The following PIAS2 variants were observed in gnomAD, a reference collection of about 807,000 sequenced individuals.
PIAS2 encodes E3 SUMO-protein ligase PIAS2.
In PIAS2, 19 loss-of-function variants were observed where a neutral mutation model predicts 69.7. That is an observed-to-expected ratio of 0.27 (90% CI 0.19 to 0.40). PIAS2 has a LOEUF of 0.40. Ranked by LOEUF, PIAS2 falls within the 10% of genes least tolerant of loss-of-function variation. PIAS2 has a pLI of 1.00. For missense variants in PIAS2, 624 were observed against 757.0 expected, an observed-to-expected ratio of 0.82 and a Z score of 2.06; for synonymous variants, 261 against 263.2, an observed-to-expected ratio of 0.99 and a Z score of 0.08.
upstream of PIAS2, among the ~76,000 whole-genome samples, chr18:46,918,443 C>T (rs1377145397): frequency 6.6e-6 from 1 of 152,192 alleles, no homozygotes; most frequent in African/African-American, 2.4e-5. Flanking sequence ...CACTCCCCTG[C>T]CCCCGCACCC....
At chr18:46,851,702 C>T (rs2046995230) in intron 5 of PIAS2, among the ~76,000 whole-genome samples, 1 of 152,202 alleles carries the variant, frequency 6.6e-6, no homozygotes, top group Admixed American at 6.5e-5. Context: ...AGCACATATG[C>T]TGCTTGCATC....
chr18:46,883,276 T>C (rs1282606627), intron 2 of PIAS2, among the ~76,000 whole-genome samples: 1 of 152,130 alleles, frequency 6.6e-6, no homozygotes, highest in Non-Finnish European at 1.5e-5. Flanking sequence ...AAAAGAACAA[T>C]GAAGAAATTA....
Position 46,846,838 on chromosome 18 carries a change from A to T in PIAS2, c.730T>A (p.Tyr244Asn). The T allele has an allele frequency of 6.2e-7, 1 of 1,602,472 alleles. No individual in the cohort carries two copies. The highest frequency in any genetic ancestry group is 8.5e-7 in the Non-Finnish European group (1 of 1,174,980). The change falls in exon 6 of 14, where the codon TAT becomes AAT. Residue 244 changes from tyrosine (Y) to asparagine (N), a missense_variant. Physicochemically the swap from Tyr to Asn is moderately radical, Grantham distance 143. Around this residue, in one of 3 missense-constraint regions of PIAS2, gnomAD observed 339 missense variants for 408.8 expected, o/e 0.83. Coordinates refer to ENST00000585916, the MANE Select transcript of PIAS2 (RefSeq NM_004671.5). Reference sequence around the variant, plus strand: ...ATCCCATTTTTAGGCGGTGGTGCATAGCCCTATAACCGTAAGAAAGAAAAA... The same window carrying T: ...ATCCCATTTTTAGGCGGTGGTGCATTGCCCTATAACCGTAAGAAAGAAAAA... ...VNGKLFPLPG[Y>N]APPPKNGIEQ...
intron 1 of PIAS2, among the ~76,000 whole-genome samples, chr18:46,905,145 CAA>C (rs2056433178): frequency 6.6e-6 from 1 of 152,058 alleles, no homozygotes; most frequent in Admixed American, 6.5e-5. Context: ...AAACATATTT[CAA>C]AGAGTTGGCA....
At chr18:46,852,073 A>G (rs17781212) in intron 5 of PIAS2, among the ~76,000 whole-genome samples, 5,497 of 152,290 alleles carry the variant, frequency 0.036, 144 homozygotes, top group Middle Eastern at 0.085. Flanking sequence ...AGAGCTCACT[A>G]TAACTCCTAT....
At chr18:46,882,653 G>A (rs1293931064) in intron 2 of PIAS2, among the ~76,000 whole-genome samples, 1 of 152,106 alleles carries the variant, frequency 6.6e-6, no homozygotes, top group African/African-American at 2.4e-5. Flanking sequence ...ACTTCTGAAT[G>A]AATAAACAGT....
At chr18:46,895,932 C>T (rs115691292) in intron 1 of PIAS2, among the ~76,000 whole-genome samples, 1,988 of 151,798 alleles carry the variant, frequency 0.013, 42 homozygotes, top group African/African-American at 0.044. Flanking sequence ...TTCTCCCTTA[C>T]AAGATAATGA....
intron 11 of PIAS2, 133 bp from the exon 12 acceptor site, chr18:46,821,205 C>G (rs920931104): frequency 6.6e-6 from 5 of 758,794 alleles, no homozygotes; most frequent in Non-Finnish European, 1.1e-5. Context: ...ACTCACTACA[C>G]AGCACTCCAC....
intron 1 of PIAS2, among the ~76,000 whole-genome samples, chr18:46,909,113 T>A (rs904198498): frequency 6.6e-6 from 1 of 152,140 alleles, no homozygotes; most frequent in African/African-American, 2.4e-5. Context: ...ATGAAATAAT[T>A]TTTTTAAAAA....
chr18:46,888,233 C>T (rs2053512162), intron 2 of PIAS2, among the ~76,000 whole-genome samples: 1 of 152,042 alleles, frequency 6.6e-6, no homozygotes. Flanking sequence ...AGCTCATGTT[C>T]ATGTACTGGA....
chr18:46,819,554 C>G (rs2041943470), intron 12 of PIAS2, among the ~76,000 whole-genome samples: 1 of 151,960 alleles, frequency 6.6e-6, no homozygotes, highest in South Asian at 2.1e-4. Context: ...CAAAATTATA[C>G]CGAGCCAATT....
At chr18:46,842,728 C>T (rs932591371) in intron 8 of PIAS2, among the ~76,000 whole-genome samples, 5 of 152,214 alleles carry the variant, frequency 3.3e-5, no homozygotes, top group Non-Finnish European at 7.4e-5. Flanking sequence ...TGAAGGTTTG[C>T]ATAGAGCCTG....
At chr18:46,827,168 CAAA>C (rs1272923548) in intron 11 of PIAS2, 1 of 152,056 alleles carries the variant, frequency 6.6e-6, no homozygotes, top group African/African-American at 2.4e-5. Flanking sequence ...ACCAAGAGGC[CAAA>C]AAGATGACAC....
At chr18:46,905,790 T>A (rs537258904) in intron 1 of PIAS2, 2 of 152,254 alleles carry the variant, frequency 1.3e-5, no homozygotes, top group South Asian at 4.1e-4. Flanking sequence ...AATTGAAGCA[T>A]TCCTCAAAGA....
chr18:46,907,475 C>A (rs1420815408), intron 1 of PIAS2: 1 of 152,088 alleles, frequency 6.6e-6, no homozygotes. Flanking sequence ...CAACTACAGA[C>A]AACAATAAGG....
intron 11 of PIAS2, among the ~76,000 whole-genome samples, chr18:46,824,517 A>G (rs1324095742): frequency 1.3e-5 from 2 of 152,160 alleles, no homozygotes; most frequent in Non-Finnish European, 1.5e-5. Flanking sequence ...TTAACATACA[A>G]GTTTCTTCTG....
chr18:46,893,208 A>G (rs903012479), intron 1 of PIAS2, among the ~76,000 whole-genome samples: 3 of 152,252 alleles, frequency 2.0e-5, no homozygotes, highest in Non-Finnish European at 2.9e-5. Flanking sequence ...GGTTTACCCA[A>G]GCAAGTAATA....
chr18:46,911,728 G>A (rs2057287853), intron 1 of PIAS2, among the ~76,000 whole-genome samples: 2 of 152,182 alleles, frequency 1.3e-5, no homozygotes, highest in Admixed American at 1.3e-4. Context: ...AATAAATCTT[G>A]CCAATGTAAC....
intron 2 of PIAS2, among the ~76,000 whole-genome samples, chr18:46,887,288 T>C (rs546617726): frequency 3.1e-4 from 46 of 149,462 alleles, no homozygotes; most frequent in African/African-American, 1.1e-3. Flanking sequence ...CCACATTGCC[T>C]GCCACTAGTC....
Sources: gnomAD v4.1 joint callset for allele counts (sites outside exome capture counted in the v4.1 genomes callset) on GRCh38, gnomAD v4.1.1 for gene constraint, gnomAD v4.1.1 regional missense constraint, MANE v1.5 for transcripts, NCBI Gene and HGNC (gene_info 2026-07-23, HGNC 2026-07-21) for gene names.